The following TF variants were observed in gnomAD, a reference collection of about 807,000 sequenced individuals.
TF encodes serotransferrin.
In TF, 55 loss-of-function variants were observed where a neutral mutation model predicts 82.4. That is an observed-to-expected ratio of 0.67 (90% CI 0.54 to 0.84). TF has a LOEUF of 0.84. Among genes scored for constraint, TF ranks in the 40% least tolerant of loss-of-function variants. The probability of loss-of-function intolerance (pLI) is 0.00; values close to 1 mark genes in which losing one functional copy is unlikely to be tolerated. For missense variants in TF, 737 were observed against 868.4 expected, an observed-to-expected ratio of 0.85 and a Z score of 1.90; for synonymous variants, 332 against 332.6, an observed-to-expected ratio of 1.00 and a Z score of 0.02.
the TF span, among the ~76,000 whole-genome samples, chr3:133,722,651 T>A: frequency 2.2e-4 from 33 of 152,304 alleles, no homozygotes; most frequent in African/African-American, 7.7e-4. Flanking sequence ...CAACTTAACT[T>A]TGGCTGCATA....
At chr3:133,677,996 G>A in the TF span, among the ~76,000 whole-genome samples, 1 of 152,118 alleles carries the variant, frequency 6.6e-6, no homozygotes, top group Non-Finnish European at 1.5e-5. Flanking sequence ...TTCTCCTAAT[G>A]CTATCCCTCC....
chr3:133,725,997 G>A, the TF span, among the ~76,000 whole-genome samples: 1 of 152,182 alleles, frequency 6.6e-6, no homozygotes, highest in Non-Finnish European at 1.5e-5. Flanking sequence ...TTGCATCCCA[G>A]GGATGAAGCC....
chr3:133,723,331 G>C, the TF span, among the ~76,000 whole-genome samples: 1 of 151,960 alleles, frequency 6.6e-6, no homozygotes, highest in African/African-American at 2.4e-5. Context: ...TACTATATTT[G>C]AGAAGTTTTT....
chr3:133,785,008 C>A lies in TF; in HGVS notation c.*6388C>A. ...CCGGGAGGGAGGTGGGGGGGTCAGC[C>A]CCCCGCCCGGCCAGCCGCCCCGTCT... On this transcript the variant is annotated 3_prime_UTR_variant, in exon 17 of 17. Coordinates refer to ENST00000402696, the MANE Select transcript of TF (RefSeq NM_001063.4). 1 of 78,680 alleles carries A rather than the reference C, an allele frequency of 1.3e-5. No individual in the cohort carries two copies. Among genetic ancestry groups the A allele is most frequent in the East Asian group, 6.6e-4 (1 of 1,516 alleles). 4.9% of individuals were successfully genotyped at this position (78,680 alleles called of 1,614,324 possible).
In TF at chr3:133,768,124, A is replaced by G; in HGVS notation, c.1582A>G (p.Asn528Asp). 3 of 1,614,190 alleles carry G rather than the reference A, an allele frequency of 1.9e-6. No individual in the cohort carries two copies. Among genetic ancestry groups the G allele is most frequent in the Non-Finnish European group, 2.5e-6 (3 of 1,180,012 alleles). Reference sequence around the variant, plus strand: ...CTCAGGCCTAAACCTGTGTGAACCCAACAACAAAGAGGGATACTACGGCTA... The same window carrying G: ...CTCAGGCCTAAACCTGTGTGAACCCGACAACAAAGAGGGATACTACGGCTA... ...MGSGLNLCEP[N>D]NKEGYYGYTG... Residue 528 changes from asparagine to aspartate, a missense_variant, in exon 13 of 17, where the codon AAC becomes GAC. Coordinates refer to ENST00000402696, the MANE Select transcript of TF (RefSeq NM_001063.4).
the TF span, among the ~76,000 whole-genome samples, chr3:133,675,315 T>C: frequency 0.38 from 56,411 of 149,906 alleles, 11,671 homozygotes; most frequent in South Asian, 0.53. Context: ...GAAAATTATA[T>C]AAAATTCAAA....
At chr3:133,746,306 G>A (rs41298273), upstream of TF, 19 of 1,035,360 alleles carry the variant, frequency 1.8e-5, no homozygotes, top group African/African-American at 2.4e-4. Flanking sequence ...TGGGCAACCC[G>A]GCTGCACAAA....
At chr3:133,683,919 G>A in the TF span, among the ~76,000 whole-genome samples, 9 of 152,150 alleles carry the variant, frequency 5.9e-5, no homozygotes, top group South Asian at 6.2e-4. Flanking sequence ...GCACCACATC[G>A]CTCTTATTCC....
chr3:133,748,200 G>A, intron 1 of TF: 1 of 627,438 alleles, frequency 1.6e-6, no homozygotes, highest in Non-Finnish European at 2.8e-6. Flanking sequence ...CCAGCAGAGG[G>A]TGGTCAGTAG....
At chr3:133,723,945 GA>G in the TF span, among the ~76,000 whole-genome samples, 1 of 151,972 alleles carries the variant, frequency 6.6e-6, no homozygotes, top group African/African-American at 2.4e-5. Context: ...TGAGAATGAT[GA>G]TTTCCAATTT....
At chr3:133,749,367 T>C (rs907491982) in intron 2 of TF, among the ~76,000 whole-genome samples, 2 of 152,172 alleles carry the variant, frequency 1.3e-5, no homozygotes, top group Non-Finnish European at 2.9e-5. Context: ...CATCTGTACA[T>C]GTCAGATCCT....
chr3:133,706,116 GA>G, the TF span, among the ~76,000 whole-genome samples: 1 of 152,182 alleles, frequency 6.6e-6, no homozygotes, highest in South Asian at 2.1e-4. Context: ...AGAAGAGGAG[GA>G]ATGGCTGGAA....
chr3:133,706,272 A>G, the TF span, among the ~76,000 whole-genome samples: 1 of 152,186 alleles, frequency 6.6e-6, no homozygotes, highest in Non-Finnish European at 1.5e-5. Flanking sequence ...AGATGCTGAT[A>G]ATGAAGATGA....
the TF span, among the ~76,000 whole-genome samples, chr3:133,716,648 TCTC>T: frequency 6.6e-6 from 1 of 152,124 alleles, no homozygotes; most frequent in South Asian, 2.1e-4. Flanking sequence ...CTTGTCCCAC[TCTC>T]CTCCACAACA....
At chr3:133,708,667 T>C in the TF span, among the ~76,000 whole-genome samples, 1 of 151,248 alleles carries the variant, frequency 6.6e-6, no homozygotes, top group Non-Finnish European at 1.5e-5. Flanking sequence ...CATATATATA[T>C]AATTTATAAT....
the TF span, among the ~76,000 whole-genome samples, chr3:133,715,597 C>T: frequency 6.6e-6 from 1 of 152,154 alleles, no homozygotes; most frequent in African/African-American, 2.4e-5. Context: ...CCCATTTCTC[C>T]TCTTCTTTTT....
At chr3:133,710,234 G>A in the TF span, 1 of 152,568 alleles carries the variant, frequency 6.6e-6, no homozygotes, top group African/African-American at 2.4e-5. Context: ...CACTACCTAA[G>A]AGGCTCCTGC....
chr3:133,752,078 C>A (rs968195114), intron 2 of TF, among the ~76,000 whole-genome samples: 1 of 149,424 alleles, frequency 6.7e-6, no homozygotes, highest in Non-Finnish European at 1.5e-5. Context: ...GTTCATGGAA[C>A]TATAGCTTTT....
chr3:133,759,441 A>G, intron 9 of TF, 112 bp downstream of exon 9: 1 of 1,375,992 alleles, frequency 7.3e-7, no homozygotes, highest in Non-Finnish European at 1.0e-6. Flanking sequence ...GGCTCCCAGG[A>G]ACCTTGCCCT....
Sources: gnomAD v4.1 joint callset for allele counts (sites outside exome capture counted in the v4.1 genomes callset) on GRCh38, gnomAD v4.1.1 for gene constraint, MANE v1.5 for transcripts, NCBI Gene and HGNC (gene_info 2026-07-23, HGNC 2026-07-21) for gene names.